The following CALN1 variants were observed in gnomAD, a reference collection of about 807,000 sequenced individuals.
CALN1 encodes calneuron 1.
A neutral mutation model predicts 30.6 loss-of-function variants in CALN1; 17 were observed. The ratio of observed to expected loss-of-function variants is 0.56; its 90% CI spans 0.38 to 0.83. The LOEUF is 0.83. Among genes scored for constraint, CALN1 ranks in the 40% least tolerant of loss-of-function variants. CALN1 has a pLI of 0.00. For missense variants in CALN1, 291 were observed against 354.9 expected (o/e 0.82, Z 1.45); for synonymous variants, 156 against 131.4 (o/e 1.19, Z -1.28).
intron 2 of CALN1, among the ~76,000 whole-genome samples, chr7:72,384,332 A>T (rs1488271619): frequency 1.3e-5 from 2 of 152,256 alleles, no homozygotes; most frequent in Non-Finnish European, 2.9e-5. Flanking sequence ...GAGAATAAAA[A>T]ACGTATGTTG....
At chr7:71,939,403 C>CAAAAAAAAAAA (rs56368426) in intron 5 of CALN1, among the ~76,000 whole-genome samples, 5 of 105,360 alleles carry the variant, frequency 4.7e-5, no homozygotes, top group Admixed American at 9.9e-5. Flanking sequence ...ACTAAAAATA[C>CAAAAAAAAAAA]AAAAAAAAAA....
At chr7:72,089,611 T>G (rs1176729539) in intron 4 of CALN1, among the ~76,000 whole-genome samples, 2 of 151,994 alleles carry the variant, frequency 1.3e-5, no homozygotes, top group East Asian at 3.9e-4. Context: ...ACTGAATAAT[T>G]GTGAACGGTC....
chr7:72,040,292 T>C (rs982968877), intron 4 of CALN1, among the ~76,000 whole-genome samples: 1 of 150,790 alleles, frequency 6.6e-6, no homozygotes, highest in Non-Finnish European at 1.5e-5. Flanking sequence ...CTGGGCAACA[T>C]AGTGAGAGCT....
intron 4 of CALN1, among the ~76,000 whole-genome samples, chr7:72,037,942 A>G (rs895466869): frequency 6.6e-6 from 1 of 152,176 alleles, no homozygotes; most frequent in South Asian, 2.1e-4. Context: ...GGGGAAAATA[A>G]AAGTGGAGAA....
chr7:72,078,949 A>C (rs1251779479), intron 4 of CALN1, among the ~76,000 whole-genome samples: 1 of 152,162 alleles, frequency 6.6e-6, no homozygotes, highest in Non-Finnish European at 1.5e-5. Context: ...ACAAACAAAC[A>C]AACAAAAAAC....
intron 2 of CALN1, among the ~76,000 whole-genome samples, chr7:72,392,200 G>A (rs1481131679): frequency 6.6e-6 from 1 of 152,068 alleles, no homozygotes; most frequent in African/African-American, 2.4e-5. Context: ...CCAGGCACCT[G>A]ACATGGAAGT....
At chr7:71,851,543 T>C (rs1045709153) in intron 5 of CALN1, among the ~76,000 whole-genome samples, 19 of 151,458 alleles carry the variant, frequency 1.3e-4, no homozygotes, top group Admixed American at 9.2e-4. Flanking sequence ...AGTATATATA[T>C]ACATATATAT....
chr7:72,313,576 G>T (rs1260984434), intron 2 of CALN1, among the ~76,000 whole-genome samples: 1 of 152,044 alleles, frequency 6.6e-6, no homozygotes, highest in Admixed American at 6.6e-5. Flanking sequence ...TGTACTTTTT[G>T]TAGAGATGGG....
intron 4 of CALN1, among the ~76,000 whole-genome samples, chr7:72,096,025 C>A (rs369135899): frequency 6.7e-6 from 1 of 149,434 alleles, no homozygotes; most frequent in African/African-American, 2.5e-5. Context: ...GGCAACAGAG[C>A]GAGACCTTGT....
intron 4 of CALN1, among the ~76,000 whole-genome samples, chr7:72,041,636 A>C (rs1478320370): frequency 6.6e-6 from 1 of 152,064 alleles, no homozygotes; most frequent in Non-Finnish European, 1.5e-5. Flanking sequence ...TGCCCACCTC[A>C]GCCTCCCAAA....
At chr7:71,920,426 C>T (rs773212903) in intron 5 of CALN1, among the ~76,000 whole-genome samples, 3 of 149,668 alleles carry the variant, frequency 2.0e-5, no homozygotes, top group Non-Finnish European at 4.4e-5. Flanking sequence ...AGCTCTGCCT[C>T]CCAGATTCAC....
the CALN1 span, among the ~76,000 whole-genome samples, chr7:72,468,687 T>C: frequency 1.3e-5 from 2 of 152,112 alleles, no homozygotes; most frequent in Non-Finnish European, 2.9e-5. Context: ...CCACCTGCAA[T>C]GTACAATGGG....
Position 72,046,569 on chromosome 7 carries a change from G to A in CALN1, c.389-22800C>T, listed in dbSNP as rs200847999. Among the ~76,000 whole-genome samples, 24 of 152,024 alleles carry A rather than the reference G, an allele frequency of 1.6e-4. No individual in the cohort carries two copies. In the East Asian group the frequency reaches 4.5e-3, roughly 28 times the overall value. ...TCTACTAAAAATACAAAAATTAGCT[G>A]GGTGTTGGCAGGTGCCTGTAATCTC... On this transcript the variant is annotated intron_variant, in intron 4 of 6. Coordinates refer to ENST00000395275, the MANE Select transcript of CALN1 (RefSeq NM_031468.4).
intron 5 of CALN1, among the ~76,000 whole-genome samples, chr7:71,853,105 C>T (rs2903598): frequency 0.013 from 1,924 of 151,462 alleles, 16 homozygotes; most frequent in Non-Finnish European, 0.02. Flanking sequence ...GAGACGGCAT[C>T]TCACTCTGTC....
At chr7:72,198,083 G>C (rs1431283626) in intron 3 of CALN1, among the ~76,000 whole-genome samples, 1 of 152,050 alleles carries the variant, frequency 6.6e-6, no homozygotes, top group East Asian at 1.9e-4. Context: ...TTCATAAAAG[G>C]AAATTCCAAT....
chr7:72,049,469 G>C (rs1802692770), intron 4 of CALN1, among the ~76,000 whole-genome samples: 1 of 152,148 alleles, frequency 6.6e-6, no homozygotes, highest in Non-Finnish European at 1.5e-5. Flanking sequence ...TATAGGGCAG[G>C]CACATTGTTA....
At chr7:72,453,778 G>T in the CALN1 span, among the ~76,000 whole-genome samples, 4 of 152,278 alleles carry the variant, frequency 2.6e-5, no homozygotes, top group Admixed American at 1.3e-4. Context: ...AATCTGAACA[G>T]CTGGGCACAG....
chr7:71,867,899 A>T (rs963306081), intron 5 of CALN1, among the ~76,000 whole-genome samples: 1 of 152,180 alleles, frequency 6.6e-6, no homozygotes, highest in African/African-American at 2.4e-5. Flanking sequence ...TCTCTGACTC[A>T]GTTCTTACTT....
chr7:72,128,758 G>C (rs999231318), intron 3 of CALN1, among the ~76,000 whole-genome samples: 2 of 152,142 alleles, frequency 1.3e-5, no homozygotes, highest in Admixed American at 1.3e-4. Flanking sequence ...TATAATCCCA[G>C]CTACTCAGGA....
Sources: gnomAD v4.1 joint callset for allele counts (sites outside exome capture counted in the v4.1 genomes callset) on GRCh38, gnomAD v4.1.1 for gene constraint, MANE v1.5 for transcripts, NCBI Gene and HGNC (gene_info 2026-07-23, HGNC 2026-07-21) for gene names.